Variants in KHDRBS2 observed in about 807,000 individuals in gnomAD.
KHDRBS2 encodes KH domain-containing, RNA-binding, signal transduction-associated protein 2.
Under a neutral mutation model 44.3 loss-of-function variants are expected in KHDRBS2, and 26 were observed. That is an observed-to-expected ratio of 0.59 (90% CI 0.43 to 0.81). The LOEUF is 0.81. KHDRBS2 is among the 40% of genes least tolerant of loss of function. The pLI is 0.00. For synonymous variants in KHDRBS2, 194 were observed against 151.1 expected (o/e 1.28, Z -2.08); for missense variants, 476 against 433.1 (o/e 1.10, Z -0.88).
At chr6:62,030,926 T>C (rs1033098783) in intron 3 of KHDRBS2, among the ~76,000 whole-genome samples, 2 of 152,048 alleles carry the variant, frequency 1.3e-5, no homozygotes, top group African/African-American at 4.8e-5. Context: ...AATCGTGGTA[T>C]AGGCACATGA....
downstream of KHDRBS2, among the ~76,000 whole-genome samples, chr6:61,677,729 G>A (rs1766024340): frequency 6.6e-6 from 1 of 151,840 alleles, no homozygotes; most frequent in African/African-American, 2.4e-5. Context: ...TTCAGGCTTT[G>A]CCTTTTCTCT....
At chr6:61,878,663 A>G (rs1799786737) in intron 6 of KHDRBS2, among the ~76,000 whole-genome samples, 1 of 152,034 alleles carries the variant, frequency 6.6e-6, no homozygotes, top group Non-Finnish European at 1.5e-5. Flanking sequence ...GATGCCAAGA[A>G]AATAACTTGA....
intron 6 of KHDRBS2, among the ~76,000 whole-genome samples, chr6:61,733,512 C>A (rs998989352): frequency 3.3e-5 from 5 of 151,652 alleles, no homozygotes; most frequent in Non-Finnish European, 5.9e-5. Context: ...GGGGGAATCA[C>A]TTGAACCTGG....
the KHDRBS2 span, among the ~76,000 whole-genome samples, chr6:61,667,798 G>T: frequency 2.6e-5 from 4 of 151,220 alleles, no homozygotes; most frequent in East Asian, 2.0e-4. Flanking sequence ...AGCATTATTT[G>T]CAGGGTGAAG....
intron 4 of KHDRBS2, among the ~76,000 whole-genome samples, chr6:61,934,742 C>T (rs1810721544): frequency 6.6e-6 from 1 of 152,116 alleles, no homozygotes; most frequent in African/African-American, 2.4e-5. Context: ...CACTCAGAAT[C>T]CCAAATTGGG....
chr6:62,194,290 AACAGCTGTCCT>A (rs1247449778), intron 1 of KHDRBS2, among the ~76,000 whole-genome samples: 1 of 151,750 alleles, frequency 6.6e-6, no homozygotes, highest in Non-Finnish European at 1.5e-5. Context: ...CATTTGGATA[AACAGCTGTCCT>A]ACCACCACTT....
Position 61,885,321 on chromosome 6 carries a change from C to T in KHDRBS2, c.810+9314G>A, listed in dbSNP as rs1384276265. ...AACTCATTGATGGTTATGTTATAGCCATTGGCATTGTTCTGATATTTGGGG... is the reference window on the plus strand; with the variant it reads ...AACTCATTGATGGTTATGTTATAGCTATTGGCATTGTTCTGATATTTGGGG... On this transcript the variant is annotated intron_variant, in intron 6 of 8. Transcript: ENST00000281156. 2.6e-5 allele frequency among the ~76,000 whole-genome samples: 4 copies of T among 152,082 alleles called. No individual in the cohort carries two copies. The East Asian group carries it at 7.7e-4, about 29-fold the overall frequency.
At chr6:61,715,266 A>T (rs17240267) in intron 7 of KHDRBS2, among the ~76,000 whole-genome samples, 27,788 of 151,788 alleles carry the variant, frequency 0.18, 2,665 homozygotes, top group Non-Finnish European at 0.2. Context: ...AGATAACTAC[A>T]TTGGCCTGGT....
chr6:61,826,408 T>C (rs1007703302), intron 6 of KHDRBS2, among the ~76,000 whole-genome samples: 10 of 152,128 alleles, frequency 6.6e-5, no homozygotes, highest in African/African-American at 2.4e-4. Flanking sequence ...GGCCAAGGTT[T>C]GACAGTGGCT....
At chr6:62,161,794 A>G (rs1372665959) in intron 2 of KHDRBS2, among the ~76,000 whole-genome samples, 2 of 151,882 alleles carry the variant, frequency 1.3e-5, no homozygotes, top group African/African-American at 2.4e-5. Context: ...TATATATTCT[A>G]TAGCTATTTT....
chr6:61,845,084 G>T (rs534433924), intron 6 of KHDRBS2, among the ~76,000 whole-genome samples: 42 of 152,202 alleles, frequency 2.8e-4, no homozygotes, highest in African/African-American at 9.4e-4. Context: ...ACTTAAAATG[G>T]TAGATTTCAT....
At chr6:61,746,101 C>A (rs896820258) in intron 6 of KHDRBS2, among the ~76,000 whole-genome samples, 14 of 151,932 alleles carry the variant, frequency 9.2e-5, no homozygotes, top group African/African-American at 3.4e-4. Flanking sequence ...TTCCGGGATA[C>A]ATGTGCAGAA....
At chr6:61,844,982 G>A (rs1240573965) in intron 6 of KHDRBS2, among the ~76,000 whole-genome samples, 1 of 151,968 alleles carries the variant, frequency 6.6e-6, no homozygotes, top group African/African-American at 2.4e-5. Context: ...TATTGTTTTT[G>A]CTGCAGGCTG....
chr6:61,718,471 G>A (rs747836345), intron 7 of KHDRBS2, among the ~76,000 whole-genome samples: 20 of 152,142 alleles, frequency 1.3e-4, no homozygotes, highest in Middle Eastern at 3.4e-3. Flanking sequence ...TGTTGTGCTG[G>A]ATCTTTTCAA....
chr6:61,935,290 CCTT>C (rs1320184024), intron 4 of KHDRBS2, among the ~76,000 whole-genome samples: 1 of 152,144 alleles, frequency 6.6e-6, no homozygotes, highest in African/African-American at 2.4e-5. Flanking sequence ...GCTCATTTAT[CCTT>C]CTTTTTCCCC....
At chr6:62,240,301 C>A (rs747830331) in intron 1 of KHDRBS2, among the ~76,000 whole-genome samples, 20 of 152,050 alleles carry the variant, frequency 1.3e-4, no homozygotes, top group Admixed American at 7.9e-4. Context: ...TTGAGAAATT[C>A]TTTACTTTCT....
At chr6:61,711,302 C>T (rs539878286) in intron 7 of KHDRBS2, among the ~76,000 whole-genome samples, 68 of 151,564 alleles carry the variant, frequency 4.5e-4, no homozygotes, top group African/African-American at 1.6e-3. Flanking sequence ...TAAAATTTTT[C>T]CTGAATAGTA....
the KHDRBS2 span, chr6:61,661,227 C>G: frequency 6.6e-6 from 1 of 151,810 alleles, no homozygotes; most frequent in Non-Finnish European, 1.5e-5. Context: ...GTGTTCTGTA[C>G]CTGTCTTGTA....
At chr6:61,662,928 C>A in the KHDRBS2 span, among the ~76,000 whole-genome samples, 3 of 151,892 alleles carry the variant, frequency 2.0e-5, no homozygotes. Flanking sequence ...ATAAATCATG[C>A]TGCTATAAAG....
Sources: allele counts gnomAD v4.1 joint callset (sites outside exome capture counted in the v4.1 genomes callset), GRCh38; gene constraint gnomAD v4.1.1; transcripts MANE v1.5; gene names NCBI Gene and HGNC (gene_info 2026-07-23, HGNC 2026-07-21).